The following SOS2 variants were observed in gnomAD, a reference collection of about 807,000 sequenced individuals.
The protein encoded by SOS2 is SOS Ras/Rho guanine nucleotide exchange factor 2.
In SOS2, 65 loss-of-function variants were observed where a neutral mutation model predicts 148.2. The ratio of observed to expected loss-of-function variants is 0.44; its 90% confidence interval spans 0.36 to 0.54. The LOEUF (loss-of-function observed/expected upper bound fraction) is 0.54, where lower values mean the gene tolerates loss of function less well. SOS2 is among the 20% of genes least tolerant of loss of function. The pLI is 0.00. For synonymous variants in SOS2, 539 were observed against 537.1 expected (o/e 1.00, Z -0.05); for missense variants, 1,341 against 1,590.2 (o/e 0.84, Z 2.67).
intron 21 of SOS2, 49 bp downstream of exon 21, chr14:50,129,909 GATT>G (rs1402503776): frequency 1.1e-5 from 12 of 1,094,876 alleles, no homozygotes; most frequent in African/African-American, 1.6e-5. Context: ...TAATCAACCA[GATT>G]ATTATCTTTA....
intron 1 of SOS2, among the ~76,000 whole-genome samples, chr14:50,210,815 G>GA (rs1886846860): frequency 6.6e-6 from 1 of 151,292 alleles, no homozygotes; most frequent in African/African-American, 2.4e-5. Context: ...TAAGTAATCA[G>GA]AAAAATGTAA....
At chr14:50,170,609 G>T (rs1163346319) in intron 8 of SOS2, among the ~76,000 whole-genome samples, 3 of 151,932 alleles carry the variant, frequency 2.0e-5, no homozygotes, top group African/African-American at 7.3e-5. Flanking sequence ...GGAGGTCAAG[G>T]CTGCAGTAAG....
rs200208472 is a variant in SOS2 at position 50,188,509 on chromosome 14, C to T, written c.702G>A (p.Leu234=). 321 of 1,598,580 alleles carry T rather than the reference C, an allele frequency of 2.0e-4. No individual in the cohort carries two copies. Among genetic ancestry groups the T allele is most frequent in the Non-Finnish European group, 2.6e-4 (306 of 1,174,528 alleles). Residue 234 remains leucine, a synonymous_variant, in exon 5 of 23, where the codon CTG becomes CTA. Coordinates refer to ENST00000216373, the MANE Select transcript of SOS2 (RefSeq NM_006939.4). ...FREAFLSDRK[L]FKPSDIEKIF... ...AAAAGGTACTTACAGAAGGTTTAAA[C>T]AGCTTTCTATCAGAAAGAAAGGCTT...
chr14:50,216,543 G>A (rs555261794), intron 1 of SOS2, among the ~76,000 whole-genome samples: 1 of 152,162 alleles, frequency 6.6e-6, no homozygotes, highest in South Asian at 2.1e-4. Flanking sequence ...TAGATTACCT[G>A]AGGTCAGGAG....
chr14:50,218,394 G>A (rs1383582810), intron 1 of SOS2, among the ~76,000 whole-genome samples: 1 of 151,456 alleles, frequency 6.6e-6, no homozygotes, highest in Non-Finnish European at 1.5e-5. Context: ...ATGATGGTGG[G>A]TGCCTGCAAT....
chr14:50,182,226 G>A (rs1380986607), intron 6 of SOS2, among the ~76,000 whole-genome samples: 2 of 151,864 alleles, frequency 1.3e-5, no homozygotes, highest in Non-Finnish European at 2.9e-5. Flanking sequence ...TTGGAGACAG[G>A]GTCTCACTCT....
In SOS2 at chr14:50,126,812, C is replaced by T. The variant is rs555435579; in HGVS notation, c.3379+3149G>A. On this transcript the variant is annotated intron_variant, in intron 21 of 22. Coordinates refer to ENST00000216373, the MANE Select transcript of SOS2 (RefSeq NM_006939.4). ...TCCACAAAAGGAGTCAGAGAACATGCTGGGGGAAAAATTATTACCAAAGCA... is the reference window on the plus strand; with the variant it reads ...TCCACAAAAGGAGTCAGAGAACATGTTGGGGGAAAAATTATTACCAAAGCA... 7.3e-5 allele frequency among the ~76,000 whole-genome samples: 11 copies of T among 151,186 alleles called. No homozygotes were observed. The South Asian group carries it at 2.3e-3, about 31-fold the overall frequency.
Position 50,153,140 on chromosome 14 carries a change from A to C in SOS2, c.2091T>G (p.His697Gln). 1 of 1,606,840 alleles carries C rather than the reference A, an allele frequency of 6.2e-7. No individual in the cohort carries two copies. Among genetic ancestry groups the C allele is most frequent in the Non-Finnish European group, 8.5e-7 (1 of 1,174,328 alleles). ...ILNVFRHWVE[H>Q]HFYDFERDLE... ...AGTCTCTTTCAAAGTCATAAAAATG[A>C]TGTTCAACCCAATGCCGAAATACAT... is the stretch of plus-strand genomic sequence containing the variant. The change falls in exon 13 of 23, where the codon CAT becomes CAG. Residue 697 changes from histidine (H) to glutamine (Q), a missense_variant. His to Gln is a conservative substitution (Grantham distance 24, BLOSUM62 0). This residue lies in a region of SOS2 where 408 missense variants were observed against 506.6 expected (regional missense o/e 0.81). Coordinates refer to ENST00000216373, the MANE Select transcript of SOS2 (RefSeq NM_006939.4).
In SOS2 at chr14:50,159,943, G is replaced by T; in HGVS notation, c.1340C>A (p.Pro447Gln). The change falls in exon 10 of 23, where the codon CCA (proline) becomes CAA (glutamine). Residue 447 changes from proline (P) to glutamine (Q), a missense_variant. Physicochemically the swap from Pro to Gln is moderately conservative, Grantham distance 76. Around this residue, in one of 4 missense-constraint regions of SOS2, gnomAD observed 574 missense variants for 711.1 expected, o/e 0.81. Transcript: ENST00000216373. Reference protein sequence around the residue: ...QCCNEFIMEGPLTRIGAKHER... With the variant: ...QCCNEFIMEGQLTRIGAKHER... ...ATGTTTGGCACCGATTCTTGTCAAT[G>T]GTCCCTCCATAATGAATTCATTACA... 1 of 1,614,048 alleles carries T rather than the reference G, an allele frequency of 6.2e-7. No individual in the cohort carries two copies. Among genetic ancestry groups the T allele is most frequent in the Middle Eastern group, 1.6e-4 (1 of 6,062 alleles).
chr14:50,165,400 G>GAC (rs1486645834), intron 8 of SOS2, among the ~76,000 whole-genome samples: 2 of 152,066 alleles, frequency 1.3e-5, no homozygotes, highest in African/African-American at 2.4e-5. Flanking sequence ...AATAAATAAG[G>GAC]ACACACACAC....
At chr14:50,121,783 G>C (rs534722407) in intron 21 of SOS2, among the ~76,000 whole-genome samples, 26 of 152,326 alleles carry the variant, frequency 1.7e-4, no homozygotes, top group African/African-American at 5.8e-4. Flanking sequence ...TGATACAAAA[G>C]GTATGCCTAT....
chr14:50,149,848 G>T (rs956059868), intron 14 of SOS2, among the ~76,000 whole-genome samples, 160 bp downstream of exon 14: 130 of 152,276 alleles, frequency 8.5e-4, no homozygotes, highest in African/African-American at 3.1e-3. Flanking sequence ...TTTACTTGCA[G>T]GGCAGACTAG....
intron 8 of SOS2, among the ~76,000 whole-genome samples, chr14:50,170,840 G>A (rs1282120584): frequency 6.7e-6 from 1 of 150,332 alleles, no homozygotes; most frequent in African/African-American, 2.4e-5. Context: ...AGGCCAGGCA[G>A]GGTGGCTCAC....
chr14:50,184,905 G>A (rs116964637), intron 5 of SOS2, among the ~76,000 whole-genome samples: 2 of 150,426 alleles, frequency 1.3e-5, no homozygotes, highest in East Asian at 3.9e-4. Context: ...GGGGTGAGAG[G>A]CTAGAGATCA....
rs996863476 is a variant in SOS2 at position 50,220,278 on chromosome 14, C to T, written c.87+10919G>A. 4.9e-3 allele frequency among the ~76,000 whole-genome samples: 738 copies of T among 149,826 alleles called. 6 individuals carry two copies. Among genetic ancestry groups the T allele is most frequent in the Non-Finnish European group, 4.8e-3 (323 of 67,432 alleles). ...AAACTTAGCTGGGCGTGGTGGCGGG[C>T]GCCTGTAGTCCCAGCTACTAGGGTG... On this transcript the variant is annotated intron_variant, in intron 1 of 22. Coordinates refer to ENST00000216373, the MANE Select transcript of SOS2 (RefSeq NM_006939.4).
At chr14:50,171,614 G>A (rs1885366111) in intron 8 of SOS2, among the ~76,000 whole-genome samples, 1 of 146,732 alleles carries the variant, frequency 6.8e-6, no homozygotes, top group South Asian at 2.1e-4. Context: ...AACCCAGGGG[G>A]CAGAGGTGGC....
intron 1 of SOS2, among the ~76,000 whole-genome samples, chr14:50,211,819 C>T (rs1595028380): frequency 6.6e-6 from 1 of 152,152 alleles, no homozygotes. Flanking sequence ...GACAGCAATG[C>T]TCTAGAGAAA....
At chr14:50,151,626 T>A (rs561929463) in intron 13 of SOS2, among the ~76,000 whole-genome samples, 67 of 152,238 alleles carry the variant, frequency 4.4e-4, no homozygotes, top group Non-Finnish European at 8.4e-4. Flanking sequence ...ACTTTGGACA[T>A]TAACATAACC....
Position 50,172,419 on chromosome 14 carries a change from C to CTTTTTTTTTTTTTTTTTTTTTTTT in SOS2, c.1068+2034_1068+2035insAAAAAAAAAAAAAAAAAAAAAAAA, listed in dbSNP as rs768766517. 3.3e-4 allele frequency among the ~76,000 whole-genome samples: 27 copies of CTTTTTTTTTTTTTTTTTTTTTTTT among 82,758 alleles called. 4 individuals carry two copies. Among genetic ancestry groups the CTTTTTTTTTTTTTTTTTTTTTTTT allele is most frequent in the Admixed American group, 3.4e-4 (2 of 5,884 alleles). The allele number at this position is 82,758 out of a possible 152,430, so 54.3% of individuals were successfully genotyped here. A position where few individuals can be genotyped will look rare whatever the true frequency, so the allele number is the denominator to read the frequency against. On this transcript the variant is annotated intron_variant, in intron 8 of 22. Coordinates refer to ENST00000216373, the MANE Select transcript of SOS2 (RefSeq NM_006939.4). ...ATGGGTAGTTTCTCTTTATTCATTCCTTTTTTTTTTTTTTCTGAGATGGAG... is the reference window on the plus strand; with the variant it reads ...ATGGGTAGTTTCTCTTTATTCATTCCTTTTTTTTTTTTTTTTTTTTTTTTTTTTTTTTTTTTTTCTGAGATGGAG...
Sources: allele counts gnomAD v4.1 joint callset (sites outside exome capture counted in the v4.1 genomes callset), GRCh38; gene constraint gnomAD v4.1.1; regional missense constraint gnomAD v4.1.1; transcripts MANE v1.5; gene names NCBI Gene and HGNC (gene_info 2026-07-23, HGNC 2026-07-21).